Variants in CA8 observed in about 807,000 individuals in gnomAD.
CA8 encodes carbonic anhydrase 8 (inactive).
CA8 carries 22 observed loss-of-function variants against 41.4 expected under a neutral mutation model. The observed-to-expected ratio is 0.53, with a 90% confidence interval of 0.38 to 0.76. CA8 has a LOEUF of 0.76. CA8 is among the 30% of genes least tolerant of loss of function. The pLI is 0.00. For missense variants in CA8, 270 were observed against 352.8 expected (o/e 0.77, Z 1.88); for synonymous variants, 121 against 130.6 (o/e 0.93, Z 0.50).
chr8:60,202,977 G>A (rs569545963), intron 8 of CA8, among the ~76,000 whole-genome samples: 21 of 152,106 alleles, frequency 1.4e-4, no homozygotes, highest in East Asian at 7.7e-4. Context: ...TTATAGTCTC[G>A]TGGAGTAAGT....
In CA8 at chr8:60,246,875, C is replaced by CT. The variant is rs10567353; in HGVS notation, c.418-14497dup. On this transcript the variant is annotated intron_variant, in intron 3 of 8. Coordinates refer to ENST00000317995, the MANE Select transcript of CA8 (RefSeq NM_004056.6). ...GTTTCTGTGGGAAAAATAATAACCACTTTTTTTTTTTTTTTTTTTTTTTTT... is the reference window on the plus strand; with the variant it reads ...GTTTCTGTGGGAAAAATAATAACCACTTTTTTTTTTTTTTTTTTTTTTTTTT... Among the ~76,000 whole-genome samples, 316 of 89,128 alleles carry CT rather than the reference C, an allele frequency of 3.5e-3. 12 individuals are homozygous for CT. The highest frequency in any genetic ancestry group is 4.2e-3 in the Non-Finnish European group (210 of 49,762). The allele number at this position is 89,128 out of a possible 152,430, so 58.5% of individuals were successfully genotyped here.
At chr8:60,276,066 C>T (rs1397287982) in intron 2 of CA8, among the ~76,000 whole-genome samples, 43 of 152,342 alleles carry the variant, frequency 2.8e-4, no homozygotes, top group Non-Finnish European at 5.9e-5. Flanking sequence ...CCCTCACTTG[C>T]CCCTTTTCTC....
intron 5 of CA8, among the ~76,000 whole-genome samples, chr8:60,225,523 C>T (rs1807406552): frequency 6.6e-6 from 1 of 152,108 alleles, no homozygotes; most frequent in Non-Finnish European, 1.5e-5. Context: ...GTCTTTTTAT[C>T]AGCTTTTTTT....
chr8:60,261,155 TA>T (rs1184835752), intron 3 of CA8, among the ~76,000 whole-genome samples: 1 of 152,172 alleles, frequency 6.6e-6, no homozygotes, highest in African/African-American at 2.4e-5. Flanking sequence ...ATTAGCAATA[TA>T]TTACGAGATA....
intron 4 of CA8, among the ~76,000 whole-genome samples, chr8:60,228,118 G>A (rs1807504945): frequency 6.6e-6 from 1 of 152,206 alleles, no homozygotes; most frequent in Non-Finnish European, 1.5e-5. Flanking sequence ...ACATGCAGAT[G>A]AAAGAGCATC....
intron 8 of CA8, among the ~76,000 whole-genome samples, chr8:60,201,651 T>C (rs1466960717): frequency 6.6e-6 from 1 of 152,176 alleles, no homozygotes; most frequent in South Asian, 2.1e-4. Flanking sequence ...CAATAAAATA[T>C]CTAAAATATG....
At chr8:60,225,319 G>T (rs1484146458) in intron 5 of CA8, among the ~76,000 whole-genome samples, 1 of 151,946 alleles carries the variant, frequency 6.6e-6, no homozygotes, top group Non-Finnish European at 1.5e-5. Flanking sequence ...GATGCAATAG[G>T]GAAAGTTATT....
At chr8:60,253,535 C>T (rs1808520880) in intron 3 of CA8, among the ~76,000 whole-genome samples, 1 of 152,070 alleles carries the variant, frequency 6.6e-6, no homozygotes, top group Non-Finnish European at 1.5e-5. Flanking sequence ...TTTTCCCATT[C>T]ACATTCCACC....
intron 2 of CA8, among the ~76,000 whole-genome samples, chr8:60,268,987 C>T (rs1803985298): frequency 6.6e-6 from 1 of 152,198 alleles, no homozygotes; most frequent in African/African-American, 2.4e-5. Flanking sequence ...AGGAACCAGG[C>T]TCTGGGTACC....
Position 60,279,786 on chromosome 8 carries a change from C to T in CA8, c.195G>A (p.Leu65=). 1 of 1,614,198 alleles carries T rather than the reference C, an allele frequency of 6.2e-7. No homozygotes were observed. The highest frequency in any genetic ancestry group is 1.1e-5 in the South Asian group (1 of 91,078). ...NSREARYDPS[L]LDVRLSPNYV... ...AATTTGGGGAGAGGCGGACATCCAA[C>T]AGCGAGGGGTCATACCTAGCCTCTC... Residue 65 remains leucine (L), a synonymous_variant, in exon 2 of 9, where the codon CTG becomes CTA. Transcript: ENST00000317995.
intron 3 of CA8, among the ~76,000 whole-genome samples, chr8:60,236,629 G>T (rs1054775023): frequency 2.0e-5 from 3 of 152,184 alleles, no homozygotes; most frequent in Middle Eastern, 3.2e-3. Context: ...TCCCTTTGGG[G>T]AGGGGGGATG....
At chr8:60,209,652 G>C (rs1281854236) in intron 7 of CA8, among the ~76,000 whole-genome samples, 3 of 152,312 alleles carry the variant, frequency 2.0e-5, no homozygotes, top group Middle Eastern at 3.4e-3. Flanking sequence ...AGATTTATCA[G>C]ATAGATTCAA....
chr8:60,276,865 T>A (rs2130630688), intron 2 of CA8, among the ~76,000 whole-genome samples: 1 of 152,236 alleles, frequency 6.6e-6, no homozygotes, highest in Middle Eastern at 3.4e-3. Context: ...ATACCTGTAA[T>A]CCCAGCACTT....
chr8:60,269,072 A>G (rs1020235363), intron 2 of CA8, among the ~76,000 whole-genome samples: 1 of 152,226 alleles, frequency 6.6e-6, no homozygotes, highest in African/African-American at 2.4e-5. Context: ...GCCATAAAAA[A>G]TGACAAAATT....
intron 2 of CA8, among the ~76,000 whole-genome samples, chr8:60,272,459 C>T (rs996821096): frequency 1.3e-5 from 2 of 151,878 alleles, no homozygotes; most frequent in Admixed American, 1.3e-4. Context: ...CTCCATAATA[C>T]CCTCTCTATT....
chr8:60,214,936 A>G (rs1402072927), intron 7 of CA8, among the ~76,000 whole-genome samples: 1 of 152,204 alleles, frequency 6.6e-6, no homozygotes, highest in African/African-American at 2.4e-5. Context: ...AAAAACAGAC[A>G]TTTAATATGA....
intron 7 of CA8, among the ~76,000 whole-genome samples, chr8:60,210,617 G>GT (rs1210098880): frequency 3.3e-3 from 484 of 145,118 alleles, no homozygotes; most frequent in African/African-American, 5.9e-3. Context: ...TTTTCTGTGG[G>GT]TTTTTTTTTT....
rs947383871 is a variant in CA8 at position 60,185,621 on chromosome 8, C to T, written c.*4400G>A. ...TCTTGTAGAAGGAAACCTCATTAAG[C>T]TTTATAGCTGGCATCTCAGCAGATG... On this transcript the variant is annotated 3_prime_UTR_variant, in exon 9 of 9. Coordinates refer to ENST00000317995, the MANE Select transcript of CA8 (RefSeq NM_004056.6). Among the ~76,000 whole-genome samples the T allele has an allele frequency of 3.9e-5, 6 of 152,028 alleles. No homozygotes were observed. Among genetic ancestry groups the T allele is most frequent in the African/African-American group, 1.4e-4 (6 of 41,390 alleles).
rs905472166 is a variant in CA8, at chr8:60,244,901, G to A, written c.418-12522C>T. On this transcript the variant is annotated intron_variant, in intron 3 of 8. Transcript: ENST00000317995. ...TATTAGAAATAGGGGAAGGGGTACA[G>A]TGTATAGGGATGAGAACGGTAGTTG... 2.0e-5 allele frequency among the ~76,000 whole-genome samples: 3 copies of A among 152,196 alleles called. No individual in the cohort carries two copies. In the South Asian group the frequency reaches 6.2e-4, roughly 31 times the overall value.
Sources: gnomAD v4.1 joint callset for allele counts (sites outside exome capture counted in the v4.1 genomes callset) on GRCh38, gnomAD v4.1.1 for gene constraint, MANE v1.5 for transcripts, NCBI Gene and HGNC (gene_info 2026-07-23, HGNC 2026-07-21) for gene names.